Variants in CAMKMT observed in about 807,000 individuals in gnomAD.
The protein encoded by CAMKMT is CaM KMT.
In CAMKMT, 53 loss-of-function variants were observed where a neutral mutation model predicts 48.0. The observed-to-expected ratio is 1.10, with a 90% CI of 0.89 to 1.39. CAMKMT has a LOEUF of 1.39. CAMKMT is among the 40% of genes most tolerant of loss of function. The pLI is 0.00. For synonymous variants in CAMKMT, 165 were observed against 152.3 expected, an observed-to-expected ratio of 1.08 and a Z score of -0.61; for missense variants, 428 against 402.7, an observed-to-expected ratio of 1.06 and a Z score of -0.54.
intron 3 of CAMKMT, among the ~76,000 whole-genome samples, chr2:44,601,388 G>A (rs559683305): frequency 6.6e-6 from 1 of 152,028 alleles, no homozygotes; most frequent in Admixed American, 6.5e-5. Context: ...CCCTGGAGGC[G>A]GAGGTTGCGG....
intron 3 of CAMKMT, among the ~76,000 whole-genome samples, chr2:44,416,518 G>A (rs114007149): frequency 0.011 from 1,611 of 148,732 alleles, 34 homozygotes; most frequent in African/African-American, 0.038. Context: ...TCATATAAAT[G>A]CATTCTTATA....
rs1348519117 is a variant in CAMKMT at position 44,729,934 on chromosome 2, A to T, written c.624-13688A>T. Among the ~76,000 whole-genome samples, 3 of 152,206 alleles carry T rather than the reference A, an allele frequency of 2.0e-5. No individual in the cohort carries two copies. In the East Asian group the frequency reaches 5.8e-4, roughly 29 times the overall value. ...GAAGCTCAGGAATGTGTATTTCAACAGACTATCTAAGAATTATGATGTATG... is the reference window on the plus strand; with the variant it reads ...GAAGCTCAGGAATGTGTATTTCAACTGACTATCTAAGAATTATGATGTATG... On this transcript the variant is annotated intron_variant, in intron 7 of 10. Coordinates refer to ENST00000378494, the MANE Select transcript of CAMKMT (RefSeq NM_024766.5).
At chr2:44,517,711 A>G (rs975556302) in intron 3 of CAMKMT, among the ~76,000 whole-genome samples, 1 of 152,222 alleles carries the variant, frequency 6.6e-6, no homozygotes, top group Non-Finnish European at 1.5e-5. Context: ...AGATTTTGAC[A>G]GCCATAAATA....
At chr2:44,707,573 C>G in intron 6 of CAMKMT, 111 bp downstream of exon 6, 1 of 776,650 alleles carries the variant, frequency 1.3e-6, no homozygotes, top group Non-Finnish European at 2.1e-6. Flanking sequence ...GAGTTTCCCC[C>G]CTACATACAT....
At chr2:44,769,501 G>A (rs189508132) in intron 10 of CAMKMT, among the ~76,000 whole-genome samples, 1 of 152,310 alleles carries the variant, frequency 6.6e-6, no homozygotes, top group Admixed American at 6.5e-5. Flanking sequence ...CCCTCATAGT[G>A]TGGTTCAAAA....
In CAMKMT at chr2:44,637,263, A is replaced by G. The variant is rs148971581; in HGVS notation, c.377-67020A>G. ...TAGTAATGCTTTTCTACAGGAGGCA[A>G]TTAGGTATTCTTCATTTTACAGCTC... On this transcript the variant is annotated intron_variant, in intron 3 of 10. Coordinates refer to ENST00000378494, the MANE Select transcript of CAMKMT (RefSeq NM_024766.5). Among the ~76,000 whole-genome samples the G allele has an allele frequency of 1.4e-3, 208 of 152,346 alleles. 2 individuals are homozygous for G. The highest frequency in any genetic ancestry group is 4.7e-3 in the African/African-American group (194 of 41,584).
At chr2:44,696,563 G>A (rs1415313727) in intron 3 of CAMKMT, among the ~76,000 whole-genome samples, 1 of 152,136 alleles carries the variant, frequency 6.6e-6, no homozygotes, top group Non-Finnish European at 1.5e-5. Flanking sequence ...GGGTTAAACT[G>A]GGGATTTTGG....
In CAMKMT at chr2:44,533,445, G is replaced by A. The variant is rs548462591; in HGVS notation, c.376+143140G>A. On this transcript the variant is annotated intron_variant, in intron 3 of 10. Transcript: ENST00000378494. ...GTAGAGACAGGGTTTCACCATGTTG[G>A]CCAGGCTGGTCTTGAACTCCTGACC... Among the ~76,000 whole-genome samples the A allele has an allele frequency of 3.9e-5, 6 of 152,140 alleles. No homozygotes were observed. In the South Asian group the frequency reaches 1.2e-3, roughly 32 times the overall value.
intron 10 of CAMKMT, among the ~76,000 whole-genome samples, chr2:44,768,675 G>A (rs534141016): frequency 3.3e-5 from 5 of 152,168 alleles, no homozygotes; most frequent in Non-Finnish European, 7.4e-5. Flanking sequence ...CCGCCCGCCC[G>A]GGGCTCCGGG....
At chr2:44,745,709 A>T (rs1679889525) in intron 8 of CAMKMT, among the ~76,000 whole-genome samples, 1 of 152,148 alleles carries the variant, frequency 6.6e-6, no homozygotes, top group Non-Finnish European at 1.5e-5. Context: ...CCCATTTGTA[A>T]ATGTGAAACA....
intron 3 of CAMKMT, among the ~76,000 whole-genome samples, chr2:44,672,270 T>A (rs1675374406): frequency 6.6e-6 from 1 of 152,186 alleles, no homozygotes; most frequent in Admixed American, 6.5e-5. Context: ...ACATACTTAC[T>A]CGGGAAGAGT....
Position 44,694,093 on chromosome 2 carries a change from C to T in CAMKMT, c.377-10190C>T, listed in dbSNP as rs563820139. On this transcript the variant is annotated intron_variant, in intron 3 of 10. Coordinates refer to ENST00000378494, the MANE Select transcript of CAMKMT (RefSeq NM_024766.5). Reference sequence around the variant, plus strand: ...AGCAGTGCTGCTTGTTGGATGCTGTCGATCAAAGCCTTAGGACTGTCCTCC... The same window carrying T: ...AGCAGTGCTGCTTGTTGGATGCTGTTGATCAAAGCCTTAGGACTGTCCTCC... Among the ~76,000 whole-genome samples, 6 of 152,124 alleles carry T rather than the reference C, an allele frequency of 3.9e-5. No homozygotes were observed. In the East Asian group the frequency reaches 9.7e-4, roughly 24 times the overall value.
At chr2:44,743,804 C>A in intron 8 of CAMKMT, 108 bp downstream of exon 8, 1 of 739,278 alleles carries the variant, frequency 1.4e-6, no homozygotes, top group Non-Finnish European at 2.3e-6. Flanking sequence ...AAATGAAGCA[C>A]AAAGCCACCT....
At chr2:44,445,768 C>A (rs1388827846) in intron 3 of CAMKMT, among the ~76,000 whole-genome samples, 2 of 148,482 alleles carry the variant, frequency 1.3e-5, no homozygotes, top group African/African-American at 2.5e-5. Context: ...TTGTCCTCAG[C>A]CCCCTCCTCT....
intron 3 of CAMKMT, among the ~76,000 whole-genome samples, chr2:44,638,305 T>C (rs1160067794): frequency 6.6e-6 from 1 of 152,144 alleles, no homozygotes; most frequent in Non-Finnish European, 1.5e-5. Flanking sequence ...CTATTTGAAA[T>C]AGGGTGTTTT....
intron 3 of CAMKMT, among the ~76,000 whole-genome samples, chr2:44,682,274 A>G (rs1438803607): frequency 6.6e-6 from 1 of 152,258 alleles, no homozygotes; most frequent in Non-Finnish European, 1.5e-5. Flanking sequence ...TTACATATCA[A>G]CTTTTCCTAG....
intron 3 of CAMKMT, among the ~76,000 whole-genome samples, chr2:44,662,256 A>G (rs1418400822): frequency 6.6e-6 from 1 of 152,152 alleles, no homozygotes; most frequent in Non-Finnish European, 1.5e-5. Flanking sequence ...GTCCTGTTCC[A>G]GTTTTCATTG....
intron 3 of CAMKMT, among the ~76,000 whole-genome samples, chr2:44,608,096 G>A (rs1308594573): frequency 7.7e-5 from 10 of 129,998 alleles, no homozygotes; most frequent in East Asian, 6.5e-4. Context: ...TTTTTGAGAC[G>A]GAGTCTTGCT....
intron 3 of CAMKMT, among the ~76,000 whole-genome samples, chr2:44,498,686 G>A (rs1465453844): frequency 6.6e-6 from 1 of 152,168 alleles, no homozygotes; most frequent in East Asian, 1.9e-4. Flanking sequence ...CTGGAAAGCT[G>A]TTCTGTTTGC....
Sources: allele counts gnomAD v4.1 joint callset (sites outside exome capture counted in the v4.1 genomes callset), GRCh38; gene constraint gnomAD v4.1.1; transcripts MANE v1.5; gene names NCBI Gene and HGNC (gene_info 2026-07-23, HGNC 2026-07-21).